PPM1L: variants seen among roughly 807,000 people sequenced by gnomAD.
PPM1L encodes the protein protein phosphatase, Mg2+/Mn2+ dependent 1L.
A neutral mutation model predicts 31.4 loss-of-function variants in PPM1L; 13 were observed. The observed-to-expected ratio is 0.41, with a 90% confidence interval of 0.27 to 0.66. PPM1L has a LOEUF of 0.66. Ranked by LOEUF, PPM1L falls within the 30% of genes least tolerant of loss-of-function variation. The pLI is 0.29. For missense variants in PPM1L, 326 were observed against 453.7 expected, an observed-to-expected ratio of 0.72 and a Z score of 2.56; for synonymous variants, 184 against 175.4, an observed-to-expected ratio of 1.05 and a Z score of -0.39.
intron 1 of PPM1L, among the ~76,000 whole-genome samples, chr3:160,879,812 CT>C (rs1553816102): frequency 6.6e-6 from 1 of 152,162 alleles, no homozygotes; most frequent in Non-Finnish European, 1.5e-5. Context: ...AAGTTTTCAG[CT>C]GGTGCTTATG....
At chr3:160,906,996 G>C (rs913084315) in intron 1 of PPM1L, among the ~76,000 whole-genome samples, 12 of 152,182 alleles carry the variant, frequency 7.9e-5, no homozygotes, top group Non-Finnish European at 1.6e-4. Flanking sequence ...CTTTATCCAT[G>C]CTTTATTTGT....
At chr3:160,876,241 A>G (rs1712505932) in intron 1 of PPM1L, among the ~76,000 whole-genome samples, 1 of 152,194 alleles carries the variant, frequency 6.6e-6, no homozygotes, top group South Asian at 2.1e-4. Context: ...GATTTGAGTA[A>G]CTTATGACAG....
chr3:160,966,777 G>A (rs1213233339), intron 2 of PPM1L, among the ~76,000 whole-genome samples: 1 of 152,090 alleles, frequency 6.6e-6, no homozygotes, highest in East Asian at 1.9e-4. Flanking sequence ...TCCATAAAAA[G>A]CACTTAGCAG....
intron 2 of PPM1L, among the ~76,000 whole-genome samples, chr3:160,984,480 A>C (rs551700864): frequency 3.9e-4 from 60 of 152,338 alleles, no homozygotes; most frequent in African/African-American, 1.3e-3. Context: ...TGTGCAGTTA[A>C]CACAATCACC....
intron 1 of PPM1L, among the ~76,000 whole-genome samples, chr3:160,910,667 A>G (rs894845932): frequency 6.6e-6 from 1 of 151,980 alleles, no homozygotes; most frequent in Non-Finnish European, 1.5e-5. Context: ...TTTCTTTTCC[A>G]TTTTAAACCC....
chr3:160,927,132 A>G (rs1324175828), intron 1 of PPM1L, among the ~76,000 whole-genome samples: 2 of 152,190 alleles, frequency 1.3e-5, no homozygotes, highest in Admixed American at 6.5e-5. Context: ...TGCCAGACAT[A>G]TGTACAAGGA....
chr3:160,857,878 A>G (rs116560736), intron 1 of PPM1L, among the ~76,000 whole-genome samples: 2,178 of 152,262 alleles, frequency 0.014, 54 homozygotes, highest in African/African-American at 0.049. Context: ...AGATATATGC[A>G]TATCCATATT....
chr3:160,869,161 A>G (rs1013180112), intron 1 of PPM1L, among the ~76,000 whole-genome samples: 3 of 152,244 alleles, frequency 2.0e-5, no homozygotes, highest in Non-Finnish European at 2.9e-5. Context: ...ATGAGGCTTC[A>G]GTGAATTCAC....
Position 160,789,056 on chromosome 3 carries a change from A to C in PPM1L, c.399+32349A>C, listed in dbSNP as rs142807554. On this transcript the variant is annotated intron_variant, in intron 1 of 3. Coordinates refer to ENST00000498165, the MANE Select transcript of PPM1L (RefSeq NM_139245.4). ...ATTCTGTTGGTATTATTGAGATTACATTACCTTTATCATTTAATTTAGATA... is the reference window on the plus strand; with the variant it reads ...ATTCTGTTGGTATTATTGAGATTACCTTACCTTTATCATTTAATTTAGATA... 2.6e-4 allele frequency among the ~76,000 whole-genome samples: 40 copies of C among 152,116 alleles called. No homozygotes were observed. In the East Asian group the frequency reaches 7.1e-3, roughly 27 times the overall value.
intron 1 of PPM1L, among the ~76,000 whole-genome samples, chr3:160,830,735 A>AT (rs1713501847): frequency 2.0e-5 from 3 of 152,166 alleles, no homozygotes; most frequent in Admixed American, 6.5e-5. Context: ...CAAAGCTTTC[A>AT]TTTTTCTGTT....
intron 2 of PPM1L, among the ~76,000 whole-genome samples, chr3:160,983,178 A>G (rs546998100): frequency 6.6e-6 from 1 of 152,348 alleles, no homozygotes; most frequent in Admixed American, 6.5e-5. Context: ...GCATTTTAAA[A>G]TCACACCTGA....
chr3:160,825,264 C>A (rs1264561954), intron 1 of PPM1L, among the ~76,000 whole-genome samples: 2 of 151,918 alleles, frequency 1.3e-5, no homozygotes, highest in African/African-American at 4.8e-5. Context: ...TAAAATAGAA[C>A]CGTAAGGTGT....
At chr3:160,923,783 A>G (rs541288530) in intron 1 of PPM1L, among the ~76,000 whole-genome samples, 8 of 152,294 alleles carry the variant, frequency 5.3e-5, no homozygotes, top group African/African-American at 1.4e-4. Flanking sequence ...GACTGGCAAA[A>G]TAGTGTTTTC....
intron 1 of PPM1L, among the ~76,000 whole-genome samples, chr3:160,861,518 G>T (rs1711888569): frequency 6.6e-6 from 1 of 152,116 alleles, no homozygotes; most frequent in Non-Finnish European, 1.5e-5. Flanking sequence ...ACAGTACTGT[G>T]TTCGATTTCT....
chr3:161,025,640 A>T (rs1014360987), intron 2 of PPM1L, among the ~76,000 whole-genome samples: 1 of 151,602 alleles, frequency 6.6e-6, no homozygotes, highest in Admixed American at 6.6e-5. Context: ...ATCTTCTACC[A>T]TGTGAGGACT....
intron 2 of PPM1L, among the ~76,000 whole-genome samples, chr3:161,028,297 G>C (rs749484194): frequency 2.0e-5 from 3 of 152,070 alleles, no homozygotes; most frequent in Non-Finnish European, 4.4e-5. Flanking sequence ...TTAACATAAG[G>C]AGTTTGAGGT....
chr3:160,783,690 A>G (rs1034110828), intron 1 of PPM1L, among the ~76,000 whole-genome samples: 1 of 152,118 alleles, frequency 6.6e-6, no homozygotes, highest in Non-Finnish European at 1.5e-5. Context: ...AAAAAATTCT[A>G]TGGTTGACTT....
chr3:160,849,094 G>A (rs1441616872), intron 1 of PPM1L, among the ~76,000 whole-genome samples: 1 of 152,180 alleles, frequency 6.6e-6, no homozygotes, highest in African/African-American at 2.4e-5. Flanking sequence ...TCCAGGACTT[G>A]TCAGTTATAT....
chr3:161,031,052 T>C (rs1718549016), intron 2 of PPM1L, among the ~76,000 whole-genome samples: 1 of 152,222 alleles, frequency 6.6e-6, no homozygotes, highest in Non-Finnish European at 1.5e-5. Context: ...TTTTATTACT[T>C]TCCTTTATAA....
Sources: gnomAD v4.1 joint callset for allele counts (sites outside exome capture counted in the v4.1 genomes callset) on GRCh38, gnomAD v4.1.1 for gene constraint, MANE v1.5 for transcripts, NCBI Gene and HGNC (gene_info 2026-07-23, HGNC 2026-07-21) for gene names.